The following KHDRBS3 variants were observed in gnomAD, a reference collection of about 807,000 sequenced individuals.
The protein encoded by KHDRBS3 is KH domain-containing, RNA-binding, signal transduction-associated protein 3.
In KHDRBS3, 23 loss-of-function variants were observed where a neutral mutation model predicts 45.6. The ratio of observed to expected loss-of-function variants is 0.50; its 90% confidence interval spans 0.36 to 0.72. KHDRBS3 has a LOEUF of 0.72. KHDRBS3 is among the 30% of genes least tolerant of loss of function. The pLI is 0.00. For missense variants in KHDRBS3, 352 were observed against 424.8 expected, an observed-to-expected ratio of 0.83 and a Z score of 1.51; for synonymous variants, 162 against 156.5, an observed-to-expected ratio of 1.04 and a Z score of -0.26.
chr8:135,646,029 C>T (rs1048657813), intron 8 of KHDRBS3, among the ~76,000 whole-genome samples: 3 of 105,802 alleles, frequency 2.8e-5, no homozygotes, highest in African/African-American at 4.0e-5. Flanking sequence ...TTTTGTTATC[C>T]GTAACAAACA....
chr8:135,466,536 A>G (rs2130143654), intron 1 of KHDRBS3, among the ~76,000 whole-genome samples: 1 of 152,334 alleles, frequency 6.6e-6, no homozygotes, highest in African/African-American at 2.4e-5. Flanking sequence ...ATTTTGGGGG[A>G]AAATTATACT....
At chr8:135,524,153 T>A (rs1052736779) in intron 2 of KHDRBS3, among the ~76,000 whole-genome samples, 2 of 152,012 alleles carry the variant, frequency 1.3e-5, no homozygotes, top group Non-Finnish European at 2.9e-5. Flanking sequence ...GTAGCTGGGA[T>A]TACAGACATG....
intron 2 of KHDRBS3, among the ~76,000 whole-genome samples, chr8:135,534,413 A>G (rs1825632923): frequency 6.6e-6 from 1 of 152,146 alleles, no homozygotes; most frequent in Admixed American, 6.5e-5. Context: ...GGTATTTGTC[A>G]TTCACTTTTG....
chr8:135,596,511 C>G (rs1302208189), intron 6 of KHDRBS3, among the ~76,000 whole-genome samples: 2 of 152,086 alleles, frequency 1.3e-5, no homozygotes, highest in Admixed American at 6.5e-5. Context: ...TTACTAATTC[C>G]CCTATCCTGG....
At chr8:135,654,216 A>G (rs1245362695) in intron 4 of KHDRBS3, among the ~76,000 whole-genome samples, 4 of 152,296 alleles carry the variant, frequency 2.6e-5, no homozygotes, top group African/African-American at 9.6e-5. Context: ...GAATATTTAT[A>G]TGAAAGAGCC....
At chr8:135,628,799 A>T (rs910331957) in intron 7 of KHDRBS3, among the ~76,000 whole-genome samples, 1 of 152,220 alleles carries the variant, frequency 6.6e-6, no homozygotes, top group Admixed American at 6.5e-5. Context: ...GGTTGTACTC[A>T]AGCTTTGTGG....
intron 1 of KHDRBS3, among the ~76,000 whole-genome samples, chr8:135,495,287 G>A (rs1035728389): frequency 1.3e-5 from 2 of 152,116 alleles, no homozygotes; most frequent in Non-Finnish European, 2.9e-5. Context: ...TTTTGTGACC[G>A]TAACTCTCTG....
chr8:135,496,525 A>G (rs1001717303), intron 1 of KHDRBS3, among the ~76,000 whole-genome samples: 1 of 151,524 alleles, frequency 6.6e-6, no homozygotes, highest in African/African-American at 2.4e-5. Flanking sequence ...AAGCCACCAT[A>G]CCTGGCACAA....
chr8:135,479,768 G>T (rs760566555), intron 1 of KHDRBS3, among the ~76,000 whole-genome samples: 1 of 152,096 alleles, frequency 6.6e-6, no homozygotes. Flanking sequence ...TGAATATTGC[G>T]GGGACACAAA....
At chr8:135,634,579 C>A (rs1293294986) in intron 7 of KHDRBS3, among the ~76,000 whole-genome samples, 1 of 152,174 alleles carries the variant, frequency 6.6e-6, no homozygotes, top group Non-Finnish European at 1.5e-5. Context: ...TTCTTATATT[C>A]TTGGCACTAG....
intron 1 of KHDRBS3, among the ~76,000 whole-genome samples, chr8:135,479,399 C>G (rs748769198): frequency 6.6e-6 from 1 of 152,218 alleles, no homozygotes; most frequent in Non-Finnish European, 1.5e-5. Context: ...TCTTCACAAA[C>G]TCTTTCAAAA....
chr8:135,626,028 G>A (rs1830344346), intron 7 of KHDRBS3: 1 of 616,252 alleles, frequency 1.6e-6, no homozygotes, highest in Non-Finnish European at 3.0e-6. Flanking sequence ...CCCAGCTCCG[G>A]TTCCAGTTCC....
intron 2 of KHDRBS3, among the ~76,000 whole-genome samples, chr8:135,530,247 A>G (rs1463539131): frequency 9.2e-5 from 14 of 152,158 alleles, no homozygotes; most frequent in Non-Finnish European, 1.5e-5. Flanking sequence ...GGATATTACT[A>G]TACTGATTAT....
At position 135,557,521 on chromosome 8, in the gene KHDRBS3, A is replaced by T; in HGVS notation, c.545A>T (p.Asp182Val). 6.2e-7 allele frequency: 1 copy of T among 1,610,542 alleles called. No homozygotes were observed. The highest frequency in any genetic ancestry group is 8.5e-7 in the Non-Finnish European group (1 of 1,176,706). Residue 182 changes from aspartate to valine, a missense_variant, in exon 5 of 9, where the codon GAT becomes GTT. By Grantham distance (152) the Asp-to-Val change is radical. This residue lies in a region of KHDRBS3 where 212 missense variants were observed against 209.6 expected (regional missense o/e 1.01). Transcript: ENST00000355849. The part of the protein sequence containing the change: ...TYLNGGSENA[D>V]VPVVRGKPTL... Reference sequence around the variant, plus strand: ...TTGAATGGTGGTTCAGAAAATGCAGATGTTCCAGTGGTTCGAGGGAAACCC... The same window carrying T: ...TTGAATGGTGGTTCAGAAAATGCAGTTGTTCCAGTGGTTCGAGGGAAACCC...
intron 5 of KHDRBS3, among the ~76,000 whole-genome samples, chr8:135,562,150 G>C (rs7839729): frequency 0.8 from 121,082 of 152,112 alleles, 48,763 homozygotes; most frequent in East Asian, 0.96. Context: ...CACTCACTCA[G>C]TCACTCACCC....
intron 7 of KHDRBS3, among the ~76,000 whole-genome samples, chr8:135,616,413 G>A (rs1304508453): frequency 1.3e-5 from 2 of 152,216 alleles, no homozygotes; most frequent in Non-Finnish European, 2.9e-5. Context: ...TGACAACACG[G>A]TAGTGGGGCA....
At chr8:135,634,802 T>C (rs905200489) in intron 7 of KHDRBS3, among the ~76,000 whole-genome samples, 4 of 152,228 alleles carry the variant, frequency 2.6e-5, no homozygotes, top group African/African-American at 7.2e-5. Context: ...GTCCTCTGGC[T>C]AACTAGTTAG....
At chr8:135,574,438 G>A (rs577269287) in intron 5 of KHDRBS3, among the ~76,000 whole-genome samples, 6 of 152,280 alleles carry the variant, frequency 3.9e-5, no homozygotes, top group African/African-American at 1.2e-4. Context: ...AAATGCCATA[G>A]TGTGATTTCA....
At chr8:135,613,425 G>T (rs1170667593) in intron 7 of KHDRBS3, among the ~76,000 whole-genome samples, 1 of 151,722 alleles carries the variant, frequency 6.6e-6, no homozygotes, top group Non-Finnish European at 1.5e-5. Context: ...TAGAGGGCCG[G>T]CCTGAAGGCT....
Sources: gnomAD v4.1 joint callset for allele counts (sites outside exome capture counted in the v4.1 genomes callset) on GRCh38, gnomAD v4.1.1 for gene constraint, gnomAD v4.1.1 regional missense constraint, MANE v1.5 for transcripts, NCBI Gene and HGNC (gene_info 2026-07-23, HGNC 2026-07-21) for gene names.